Variants in KANSL3 observed in about 807,000 individuals in gnomAD.
KANSL3 encodes the protein KAT8 regulatory NSL complex subunit 3.
KANSL3 carries 16 observed loss-of-function variants against 89.2 expected under a neutral mutation model. That is an observed-to-expected ratio of 0.18 (90% CI 0.12 to 0.27). KANSL3 has a LOEUF of 0.27. Ranked by LOEUF, KANSL3 falls within the 10% of genes least tolerant of loss-of-function variation. The probability of loss-of-function intolerance (pLI) is 1.00; values close to 1 mark genes in which losing one functional copy is unlikely to be tolerated. For missense variants in KANSL3, 879 were observed against 1,110.6 expected, an observed-to-expected ratio of 0.79 and a Z score of 2.96; for synonymous variants, 385 against 419.7, an observed-to-expected ratio of 0.92 and a Z score of 1.01.
chr2:96,633,409 A>T (rs191949828), intron 2 of KANSL3, among the ~76,000 whole-genome samples: 1 of 151,600 alleles, frequency 6.6e-6, no homozygotes, highest in East Asian at 1.9e-4. Context: ...ATCTCTACTT[A>T]AAAAAAACAA....
In KANSL3 at chr2:96,637,255, A is replaced by G. The variant is rs998115033; in HGVS notation, c.-50-70T>C. On this transcript the variant is annotated intron_variant, in intron 1 of 20. Coordinates refer to ENST00000431828, the MANE Select transcript of KANSL3 (RefSeq NM_001115016.3). ...TTTCTCCCAATCTACACCATCTAACATGCTTACTTTTGTAACCTACTATCA... is the reference window on the plus strand; with the variant it reads ...TTTCTCCCAATCTACACCATCTAACGTGCTTACTTTTGTAACCTACTATCA... The G allele has an allele frequency of 1.7e-5, 11 of 644,696 alleles. No individual in the cohort carries two copies. The Admixed American group carries it at 2.0e-4, about 12-fold the overall frequency. 39.9% of individuals were successfully genotyped at this position (644,696 alleles called of 1,614,324 possible).
intron 5 of KANSL3, among the ~76,000 whole-genome samples, chr2:96,615,930 A>G (rs2070008960): frequency 6.6e-6 from 1 of 152,240 alleles, no homozygotes; most frequent in African/African-American, 2.4e-5. Flanking sequence ...CCAAACTGCT[A>G]TGATTCAAAC....
rs1046684241 is a variant in KANSL3 at position 96,594,630 on chromosome 2, C to T, written c.*981G>A. ...ATACTACCTTAGCTTATTGTCCCTG[C>T]TTCACCTCCAGAGACTGGAGACAGA... On this transcript the variant is annotated 3_prime_UTR_variant, in exon 21 of 21. Coordinates refer to ENST00000431828, the MANE Select transcript of KANSL3 (RefSeq NM_001115016.3). 2.6e-5 allele frequency: 4 copies of T among 152,228 alleles called. 1 individual carries two copies. The highest frequency in any genetic ancestry group is 7.2e-5 in the African/African-American group (3 of 41,458). 9.4% of individuals were successfully genotyped at this position (152,228 alleles called of 1,614,324 possible).
At chr2:96,585,240 A>G in the KANSL3 span, among the ~76,000 whole-genome samples, 37 of 152,258 alleles carry the variant, frequency 2.4e-4, no homozygotes, top group Non-Finnish European at 5.1e-4. Context: ...TCCATCCAAC[A>G]AAGGACTAAT....
Position 96,619,844 on chromosome 2 carries a change from CAT to C in KANSL3, c.387-84_387-83del. ...GTACACCATATAAAGAAGATTATGC[CAT>C]AGTTTTATGTCTCTGCTAGGGAACA... On this transcript the variant is annotated intron_variant, in intron 3 of 20. Transcript: ENST00000431828. The C allele has an allele frequency of 2.7e-6, 3 of 1,128,742 alleles. No individual in the cohort carries two copies. In the South Asian group the frequency reaches 4.3e-5, roughly 16 times the overall value. The allele number at this position is 1,128,742 out of a possible 1,614,324, so 69.9% of individuals were successfully genotyped here. A position where few individuals can be genotyped will look rare whatever the true frequency, so the allele number is the denominator to read the frequency against.
downstream of KANSL3, among the ~76,000 whole-genome samples, chr2:96,588,578 T>A (rs902021943): frequency 2.0e-5 from 3 of 152,078 alleles, no homozygotes; most frequent in African/African-American, 7.2e-5. Flanking sequence ...GTAACTACAA[T>A]AGACTTCCCT....
At chr2:96,601,940 C>T in intron 19 of KANSL3, 164 bp from the exon 20 acceptor site, 1 of 1,247,802 alleles carries the variant, frequency 8.0e-7, no homozygotes, top group Non-Finnish European at 1.1e-6. Flanking sequence ...CAACAGGAAA[C>T]AGCCTGTGTT....
chr2:96,606,784 A>G, intron 14 of KANSL3: 1 of 304,774 alleles, frequency 3.3e-6, no homozygotes, highest in East Asian at 1.0e-4. Flanking sequence ...AAACAAAAGA[A>G]TGGAAAAAGG....
intron 2 of KANSL3, 153 bp downstream of exon 2, chr2:96,636,768 C>T: frequency 3.2e-6 from 2 of 619,616 alleles, no homozygotes; most frequent in Non-Finnish European, 5.4e-6. Context: ...ACATTCAAGC[C>T]TGCTATCCTT....
At chr2:96,598,590 A>T (rs1326767762) in intron 20 of KANSL3, among the ~76,000 whole-genome samples, 1 of 152,190 alleles carries the variant, frequency 6.6e-6, no homozygotes, top group African/African-American at 2.4e-5. Context: ...AAACCTATTA[A>T]AGTAACTCAT....
chr2:96,601,353 A>G, intron 20 of KANSL3: 1 of 985,424 alleles, frequency 1.0e-6, no homozygotes, highest in Non-Finnish European at 1.2e-6. Context: ...AGGATGAGAA[A>G]AAAATGAAAC....
In KANSL3 at chr2:96,611,851, T is replaced by C. The variant is rs1029774024; in HGVS notation, c.1086+431A>G. 2.8e-4 allele frequency among the ~76,000 whole-genome samples: 43 copies of C among 151,420 alleles called. 1 individual carries two copies. The highest frequency in any genetic ancestry group is 1.0e-3 in the African/African-American group (43 of 41,098). On this transcript the variant is annotated intron_variant, in intron 9 of 20. Transcript: ENST00000431828. ...AGGTGGGAGAACAGTATGGTACTTA[T>C]GTTTAGAGAAAAAAAGGGATCTTTT...
chr2:96,598,582 A>G (rs923527386), intron 20 of KANSL3, among the ~76,000 whole-genome samples: 3 of 152,168 alleles, frequency 2.0e-5, no homozygotes, highest in Admixed American at 1.3e-4. Flanking sequence ...ATATTAGGAA[A>G]CCTATTAAAG....
At chr2:96,628,014 C>G (rs772249096) in intron 3 of KANSL3, 2 of 1,290,260 alleles carry the variant, frequency 1.6e-6, no homozygotes, top group Non-Finnish European at 1.0e-6. Flanking sequence ...ATAAATTGAG[C>G]TTTAATGGAT....
At chr2:96,585,735 A>T in the KANSL3 span, among the ~76,000 whole-genome samples, 2 of 152,188 alleles carry the variant, frequency 1.3e-5, no homozygotes, top group Non-Finnish European at 2.9e-5. Flanking sequence ...CAAAGAGTGG[A>T]TAAAAAAAAA....
At chr2:96,633,720 CT>C (rs2106241654) in intron 2 of KANSL3, among the ~76,000 whole-genome samples, 1 of 151,992 alleles carries the variant, frequency 6.6e-6, no homozygotes, top group African/African-American at 2.4e-5. Context: ...AAAAAATTAG[CT>C]GGGTGTGGCA....
At chr2:96,600,677 C>T in intron 20 of KANSL3, 2 of 985,382 alleles carry the variant, frequency 2.0e-6, no homozygotes, top group Non-Finnish European at 2.4e-6. Flanking sequence ...TGTTTTTTGG[C>T]TTAACTTCTA....
chr2:96,622,444 AT>A (rs1210222597), intron 3 of KANSL3, among the ~76,000 whole-genome samples: 1 of 152,196 alleles, frequency 6.6e-6, no homozygotes, highest in Non-Finnish European at 1.5e-5. Flanking sequence ...ATGCAAATTA[AT>A]AAAGTATTAT....
chr2:96,631,239 A>G (rs1048275807), intron 3 of KANSL3, 73 bp downstream of exon 3: 8 of 1,094,608 alleles, frequency 7.3e-6, no homozygotes, highest in African/African-American at 1.5e-5. Flanking sequence ...TAAGGTCCTA[A>G]TAAGTGTTAT....
Sources: allele counts gnomAD v4.1 joint callset (sites outside exome capture counted in the v4.1 genomes callset), GRCh38; gene constraint gnomAD v4.1.1; transcripts MANE v1.5; gene names NCBI Gene and HGNC (gene_info 2026-07-23, HGNC 2026-07-21).